PDCD1: variants seen among roughly 807,000 people sequenced by gnomAD.
The protein encoded by PDCD1 is programmed cell death protein 1.
PDCD1 carries 10 observed loss-of-function variants against 23.6 expected under a neutral mutation model. The ratio of observed to expected loss-of-function variants is 0.42; its 90% CI spans 0.26 to 0.72. The LOEUF (loss-of-function observed/expected upper bound fraction) is 0.72, where lower values mean the gene tolerates loss of function less well. Ranked by LOEUF, PDCD1 falls within the 30% of genes least tolerant of loss-of-function variation. The probability of loss-of-function intolerance (pLI) is 0.24; values close to 1 mark genes in which losing one functional copy is unlikely to be tolerated. For synonymous variants in PDCD1, 168 were observed against 169.3 expected, an observed-to-expected ratio of 0.99 and a Z score of 0.06; for missense variants, 313 against 397.8, an observed-to-expected ratio of 0.79 and a Z score of 1.81.
intron 1 of PDCD1, among the ~76,000 whole-genome samples, chr2:241,857,608 T>C (rs1318281838): frequency 3.9e-5 from 6 of 152,138 alleles, no homozygotes; most frequent in Admixed American, 2.0e-4. Flanking sequence ...CAGTTCTGAG[T>C]CCTGAGTGAC....
chr2:241,853,993 T>G (rs2124864097), intron 1 of PDCD1, among the ~76,000 whole-genome samples: 1 of 152,290 alleles, frequency 6.6e-6, no homozygotes, highest in South Asian at 2.1e-4. Context: ...GCGGCCTCCG[T>G]GGCAGGCGGT....
At chr2:241,855,119 C>G (rs549321151) in intron 1 of PDCD1, among the ~76,000 whole-genome samples, 15 of 151,972 alleles carry the variant, frequency 9.9e-5, no homozygotes, top group African/African-American at 2.4e-4. Flanking sequence ...CCTGTTCCGC[C>G]CCCCCCAACC....
intron 1 of PDCD1, among the ~76,000 whole-genome samples, chr2:241,857,841 A>C (rs1701058924): frequency 6.6e-6 from 1 of 152,170 alleles, no homozygotes; most frequent in African/African-American, 2.4e-5. Context: ...CAGTGGTGTC[A>C]CACCCCGGTA....
In PDCD1 at chr2:241,851,705, G is replaced by A. The variant is rs55774729; in HGVS notation, c.627+244C>T. 6.6e-3 allele frequency among the ~76,000 whole-genome samples: 993 copies of A among 150,224 alleles called. 15 individuals carry two copies. The highest frequency in any genetic ancestry group is 0.023 in the African/African-American group (921 of 39,858). On this transcript the variant is annotated intron_variant, in intron 4 of 4. Coordinates refer to ENST00000334409, the MANE Select transcript of PDCD1 (RefSeq NM_005018.3). Reference sequence around the variant, plus strand: ...CGCAGGCGGGCACACGCGTGGGCCAGGCACCCCTGGAGACCGCAGGCAGGC... The same window carrying A: ...CGCAGGCGGGCACACGCGTGGGCCAAGCACCCCTGGAGACCGCAGGCAGGC...
intron 1 of PDCD1, among the ~76,000 whole-genome samples, chr2:241,857,999 A>G (rs1464903082): frequency 6.6e-6 from 1 of 152,142 alleles, no homozygotes; most frequent in Non-Finnish European, 1.5e-5. Context: ...CACAGTGTAC[A>G]CAGAGGGCCC....
At position 241,850,849 on chromosome 2, in the gene PDCD1, T is replaced by C. The variant is rs888049194; in HGVS notation, c.*209A>G. ...CCCTGTAGGGGACGGTGACACCTGC[T>C]GCCTGGGCTCACTGTGGGCATTGAG... On this transcript the variant is annotated 3_prime_UTR_variant, in exon 5 of 5. Coordinates refer to ENST00000334409, the MANE Select transcript of PDCD1 (RefSeq NM_005018.3). The C allele has an allele frequency of 1.6e-6, 1 of 642,202 alleles. No individual in the cohort carries two copies. 39.8% of individuals were successfully genotyped at this position (642,202 alleles called of 1,614,324 possible). A position where few individuals can be genotyped will look rare whatever the true frequency, so the allele number is the denominator to read the frequency against.
At position 241,852,912 on chromosome 2, in the gene PDCD1, T is replaced by C; in HGVS notation, c.145A>G (p.Asn49Asp). Residue 49 changes from asparagine to aspartate, a missense_variant, in exon 2 of 5, where the codon AAC becomes GAC. Transcript: ENST00000334409. The stretch of plus-strand genomic sequence containing the variant: ...GAGAAGCTGCAGGTGAAGGTGGCGT[T>C]GTCCCCTTCGGTCACCACGAGCAGG... ...PALLVVTEGD[N>D]ATFTCSFSNT... The C allele has an allele frequency of 6.3e-7, 1 of 1,595,906 alleles. No homozygotes were observed. The highest frequency in any genetic ancestry group is 8.5e-7 in the Non-Finnish European group (1 of 1,177,940).
chr2:241,851,623 C>T (rs576346969), intron 4 of PDCD1, among the ~76,000 whole-genome samples: 11 of 152,300 alleles, frequency 7.2e-5, no homozygotes, highest in South Asian at 6.2e-4. Flanking sequence ...ACGCATGGGC[C>T]GGGCACACCT....
chr2:241,852,587 G>C (rs1452556138), intron 2 of PDCD1, 34 bp downstream of exon 2: 1 of 1,598,426 alleles, frequency 6.3e-7, no homozygotes, highest in South Asian at 1.1e-5. Context: ...GACCGGCTCA[G>C]CTCACCCCTG....
At position 241,852,851 on chromosome 2, in the gene PDCD1, C is replaced by A. The variant is rs764200391; in HGVS notation, c.206G>T (p.Arg69Leu). ...TSESFVLNWYRMSPSNQTDKL... is the reference protein window; with the variant it reads ...TSESFVLNWYLMSPSNQTDKL... ...GTCCGTCTGGTTGCTGGGGCTCATGCGGTACCAGTTTAGCACGAAGCTCTC... is the reference window on the plus strand; with the variant it reads ...GTCCGTCTGGTTGCTGGGGCTCATGAGGTACCAGTTTAGCACGAAGCTCTC... Residue 69 changes from arginine to leucine, a missense_variant, in exon 2 of 5, where the codon CGC (arginine) becomes CTC (leucine). Transcript: ENST00000334409. The A allele has an allele frequency of 3.1e-6, 5 of 1,608,350 alleles. No homozygotes were observed. Among genetic ancestry groups the A allele is most frequent in the Non-Finnish European group, 4.2e-6 (5 of 1,179,934 alleles).
intron 1 of PDCD1, among the ~76,000 whole-genome samples, chr2:241,857,349 G>C (rs936599796): frequency 6.6e-6 from 1 of 152,132 alleles, no homozygotes; most frequent in Non-Finnish European, 1.5e-5. Context: ...GCACAAGCGC[G>C]GGCACCTGAG....
rs370380165 is a variant in PDCD1, at chr2:241,853,758, C to T, written c.77-778G>A. On this transcript the variant is annotated intron_variant, in intron 1 of 4. Coordinates refer to ENST00000334409, the MANE Select transcript of PDCD1 (RefSeq NM_005018.3). ...CGCCAGGCGGAGGCACCAACACAGG[C>T]GCTTAAGATCCAGGCCCGAGATGCC... Among the ~76,000 whole-genome samples, 14 of 152,382 alleles carry T rather than the reference C, an allele frequency of 9.2e-5. No homozygotes were observed. The South Asian group carries it at 1.2e-3, about 14-fold the overall frequency.
At chr2:241,852,154 G>T (rs1177826560) in intron 3 of PDCD1, 44 bp downstream of exon 3, 4 of 1,581,998 alleles carry the variant, frequency 2.5e-6, no homozygotes, top group Admixed American at 1.8e-5. Flanking sequence ...AGGGCCGCCA[G>T]CAGGGTTAGG....
In PDCD1 at chr2:241,851,214, G is replaced by A. The variant is rs2124856346; in HGVS notation, c.711C>T (p.Pro237=). 9 of 1,613,454 alleles carry A rather than the reference G, an allele frequency of 5.6e-6. No homozygotes were observed. Among genetic ancestry groups the A allele is most frequent in the East Asian group, 2.2e-5 (1 of 44,822 alleles). The change falls in exon 5 of 5, where the codon CCC becomes CCT. Residue 237 remains proline (P), a synonymous_variant. Coordinates refer to ENST00000334409, the MANE Select transcript of PDCD1 (RefSeq NM_005018.3). The part of the protein sequence containing the change: ...DFQWREKTPE[P]PVPCVPEQTE... ...TCTGCTCAGGGACACAGGGCACGGG[G>A]GGCTCCGGGGTCTTCTCTCGCCACT... is the stretch of plus-strand genomic sequence containing the variant.
At chr2:241,856,771 C>G (rs1474021400) in intron 1 of PDCD1, among the ~76,000 whole-genome samples, 1 of 151,518 alleles carries the variant, frequency 6.6e-6, no homozygotes, top group Non-Finnish European at 1.5e-5. Flanking sequence ...GAGCCGAGAT[C>G]ACACCACTGC....
intron 4 of PDCD1, among the ~76,000 whole-genome samples, chr2:241,851,595 G>A (rs572780593): frequency 2.0e-5 from 3 of 151,828 alleles, no homozygotes; most frequent in Non-Finnish European, 2.9e-5. Flanking sequence ...CCCACCCCAC[G>A]CCCTCGCAGG....
chr2:241,853,023 CA>C, intron 1 of PDCD1, 43 bp from the exon 2 acceptor site: 1 of 1,522,008 alleles, frequency 6.6e-7, no homozygotes, highest in Non-Finnish European at 8.8e-7. Context: ...GGTGGCCCCA[CA>C]AAGCCTCCCC....
rs781362131 is a variant in PDCD1 at position 241,852,291 on chromosome 2, G to C, written c.499C>G (p.Gln167Glu). Residue 167 changes from glutamine (Q) to glutamate (E), a missense_variant, in exon 3 of 5, where the codon CAA becomes GAA. Transcript: ENST00000334409. ...SPSPRPAGQF[Q>E]TLVVGVVGGL... Reference sequence around the variant, plus strand: ...CCCACGACACCAACCACCAGGGTTTGGAACTGGCCGGCTGGCCTGGGTGAG... The same window carrying C: ...CCCACGACACCAACCACCAGGGTTTCGAACTGGCCGGCTGGCCTGGGTGAG... 6.2e-7 allele frequency: 1 copy of C among 1,611,682 alleles called. No individual in the cohort carries two copies. The highest frequency in any genetic ancestry group is 8.5e-7 in the Non-Finnish European group (1 of 1,179,338).
intron 1 of PDCD1, among the ~76,000 whole-genome samples, chr2:241,857,127 G>A (rs1701042977): frequency 6.6e-6 from 1 of 152,224 alleles, no homozygotes; most frequent in South Asian, 2.1e-4. Flanking sequence ...CCTGAGGTGG[G>A]AGTGGTGGCC....
Sources: allele counts gnomAD v4.1 joint callset (sites outside exome capture counted in the v4.1 genomes callset), GRCh38; gene constraint gnomAD v4.1.1; transcripts MANE v1.5; gene names NCBI Gene and HGNC (gene_info 2026-07-23, HGNC 2026-07-21).